MPHOSPH9: variants seen among roughly 807,000 people sequenced by gnomAD.
MPHOSPH9 encodes the protein M-phase phosphoprotein 9.
Under a neutral mutation model 145.5 loss-of-function variants are expected in MPHOSPH9, and 88 were observed. The observed-to-expected ratio is 0.60, with a 90% CI of 0.51 to 0.72. The LOEUF (loss-of-function observed/expected upper bound fraction) is 0.72. Ranked by LOEUF, MPHOSPH9 falls within the 30% of genes least tolerant of loss-of-function variation. The pLI, the probability that MPHOSPH9 is intolerant of heterozygous loss-of-function variation, is 0.00. For synonymous variants in MPHOSPH9, 435 were observed against 486.2 expected (o/e 0.89, Z 1.39); for missense variants, 1,238 against 1,386.6 (o/e 0.89, Z 1.70).
chr12:123,198,038 C>T (rs1352052399), intron 12 of MPHOSPH9, among the ~76,000 whole-genome samples: 4 of 151,070 alleles, frequency 2.6e-5, no homozygotes, highest in Admixed American at 6.6e-5. Flanking sequence ...GAGCCAAGAC[C>T]GCGCCACTGC....
At chr12:123,189,675 C>T (rs1168354694) in intron 13 of MPHOSPH9, among the ~76,000 whole-genome samples, 5 of 152,140 alleles carry the variant, frequency 3.3e-5, no homozygotes, top group Non-Finnish European at 7.3e-5. Context: ...TGGCTCACCC[C>T]TGTAATCCCA....
chr12:123,235,892 C>T (rs376064543), upstream of MPHOSPH9, among the ~76,000 whole-genome samples: 1 of 151,648 alleles, frequency 6.6e-6, no homozygotes, highest in Non-Finnish European at 1.5e-5. Flanking sequence ...GGTGAAACCC[C>T]ATCTGGGCTA....
In MPHOSPH9 at chr12:123,179,341, AGGCAGGCGG is replaced by A. The variant is rs575628443; in HGVS notation, c.2354+576_2354+584del. Among the ~76,000 whole-genome samples, 17 of 152,326 alleles carry A rather than the reference AGGCAGGCGG, an allele frequency of 1.1e-4. No homozygotes were observed. In the South Asian group the frequency reaches 2.7e-3, roughly 24 times the overall value. On this transcript the variant is annotated intron_variant, in intron 15 of 23. Coordinates refer to ENST00000606320, the MANE Select transcript of MPHOSPH9 (RefSeq NM_022782.4). ...TGAATCCCAGCACCTTGGCAAGCCG[AGGCAGGCGG>A]ATCACTTGAGGTCAGGAGTTCAAGA...
intron 13 of MPHOSPH9, among the ~76,000 whole-genome samples, chr12:123,191,201 A>G (rs558281492): frequency 6.6e-6 from 1 of 152,212 alleles, no homozygotes; most frequent in East Asian, 1.9e-4. Flanking sequence ...CATGCCTGAA[A>G]TCCCAGCTAC....
chr12:123,192,862 G>A (rs910265572), intron 13 of MPHOSPH9, among the ~76,000 whole-genome samples: 11 of 151,378 alleles, frequency 7.3e-5, no homozygotes, highest in African/African-American at 2.2e-4. Flanking sequence ...GGCGGATCAA[G>A]AGGTCAAGAA....
chr12:123,155,965 C>G lies in MPHOSPH9; in HGVS notation c.*842G>C, dbSNP rs2043851496. 6.6e-6 allele frequency: 1 copy of G among 152,244 alleles called. No individual in the cohort carries two copies. Among genetic ancestry groups the G allele is most frequent in the South Asian group, 2.1e-4 (1 of 4,836 alleles). The allele number at this position is 152,244 out of a possible 1,614,324, so 9.4% of individuals were successfully genotyped here. On this transcript the variant is annotated 3_prime_UTR_variant, in exon 24 of 24. Coordinates refer to ENST00000606320, the MANE Select transcript of MPHOSPH9 (RefSeq NM_022782.4). The stretch of plus-strand genomic sequence containing the variant: ...ATATCCAGATGACAACTATGACGGA[C>G]AGCTGAAGCCATGCACACTAAGAAA...
rs180733586 is a variant in MPHOSPH9 at position 123,162,865 on chromosome 12, T to C, written c.3029+149A>G. The C allele has an allele frequency of 4.2e-6, 3 of 708,000 alleles. No individual in the cohort carries two copies. The East Asian group carries it at 9.8e-5, about 23-fold the overall frequency. The allele number at this position is 708,000 out of a possible 1,614,324, so 43.9% of individuals were successfully genotyped here. On this transcript the variant is annotated intron_variant, in intron 20 of 23. Coordinates refer to ENST00000606320, the MANE Select transcript of MPHOSPH9 (RefSeq NM_022782.4). Reference sequence around the variant, plus strand: ...GTTCATTGTACTGCAGTACTTTAGTTGTAGTATGACATTCACTTATGATTT... The same window carrying C: ...GTTCATTGTACTGCAGTACTTTAGTCGTAGTATGACATTCACTTATGATTT...
chr12:123,166,760 C>T lies in MPHOSPH9; in HGVS notation c.2486G>A (p.Arg829Gln), dbSNP rs114386666. Reference protein sequence around the residue: ...NTLATSDVSRRKWLIPGAEYS... With the variant: ...NTLATSDVSRQKWLIPGAEYS... ...CTCTGCACCTGGAATCAGCCATTTC[C>T]GCCTGCTGACGTCTGAAGTTGCTAG... is the stretch of plus-strand genomic sequence containing the variant. The change falls in exon 17 of 24, where the codon CGG (arginine) becomes CAG (glutamine). Residue 829 changes from arginine to glutamine, a missense_variant. Physicochemically the swap from Arg to Gln is conservative, Grantham distance 43. Around this residue, in one of 3 missense-constraint regions of MPHOSPH9, gnomAD observed 393 missense variants for 462.5 expected, o/e 0.85. Coordinates refer to ENST00000606320, the MANE Select transcript of MPHOSPH9 (RefSeq NM_022782.4). 114 of 1,613,772 alleles carry T rather than the reference C, an allele frequency of 7.1e-5. No homozygotes were observed. The African/African-American group carries it at 1.2e-3, about 17-fold the overall frequency.
At chr12:123,217,838 G>A (rs965317709) in intron 6 of MPHOSPH9, among the ~76,000 whole-genome samples, 14 of 152,024 alleles carry the variant, frequency 9.2e-5, no homozygotes, top group African/African-American at 3.1e-4. Context: ...GAGGTCAGGA[G>A]TTCGAGAGCA....
intron 14 of MPHOSPH9, 94 bp downstream of exon 14, chr12:123,181,069 G>A: frequency 1.7e-6 from 2 of 1,146,868 alleles, no homozygotes; most frequent in Non-Finnish European, 2.6e-6. Flanking sequence ...GGTTCAGGAA[G>A]GGGTGCAAGG....
At chr12:123,222,324 CAAA>C (rs57019975) in intron 4 of MPHOSPH9, among the ~76,000 whole-genome samples, 16 of 126,100 alleles carry the variant, frequency 1.3e-4, no homozygotes, top group Non-Finnish European at 1.4e-4. Context: ...GACCTTGTCT[CAAA>C]AAAAAAAAAA....
At position 123,181,350 on chromosome 12, in the gene MPHOSPH9, A is replaced by G. The variant is rs1006814519; in HGVS notation, c.2242-140T>C. The G allele has an allele frequency of 6.2e-6, 4 of 643,956 alleles. No homozygotes were observed. The East Asian group carries it at 1.1e-4, about 17-fold the overall frequency. 39.9% of individuals were successfully genotyped at this position (643,956 alleles called of 1,614,324 possible). On this transcript the variant is annotated intron_variant, in intron 13 of 23. Coordinates refer to ENST00000606320, the MANE Select transcript of MPHOSPH9 (RefSeq NM_022782.4). The stretch of plus-strand genomic sequence containing the variant: ...GAGAAAGGTCAATAGAGAACTGGTG[A>G]TTCAATGTAAAGGGAATGGGACAAT...
chr12:123,233,489 T>A (rs1228062046), upstream of MPHOSPH9: 2 of 152,260 alleles, frequency 1.3e-5, no homozygotes, highest in African/African-American at 2.4e-5. Flanking sequence ...GTGATTTGGA[T>A]ATCCCTAGAA....
chr12:123,194,129 C>T (rs577875271), intron 13 of MPHOSPH9, among the ~76,000 whole-genome samples: 16 of 152,092 alleles, frequency 1.1e-4, no homozygotes, highest in South Asian at 2.1e-4. Context: ...ATTAGCCGGG[C>T]GCAGTGGTGG....
chr12:123,175,991 C>G (rs968834095), intron 16 of MPHOSPH9, among the ~76,000 whole-genome samples: 1 of 152,082 alleles, frequency 6.6e-6, no homozygotes, highest in African/African-American at 2.4e-5. Flanking sequence ...CCTTGGCTTT[C>G]CAAAATTCTG....
intron 13 of MPHOSPH9, among the ~76,000 whole-genome samples, chr12:123,191,880 ATCT>A (rs773326259): frequency 4.6e-5 from 7 of 152,182 alleles, no homozygotes; most frequent in Non-Finnish European, 8.8e-5. Flanking sequence ...GAATCCATCA[ATCT>A]TCTTTACTGA....
At chr12:123,205,768 T>A (rs1326521005) in intron 8 of MPHOSPH9, among the ~76,000 whole-genome samples, 2 of 152,192 alleles carry the variant, frequency 1.3e-5, no homozygotes, top group African/African-American at 2.4e-5. Flanking sequence ...GTTCTTGTCA[T>A]GTTAACATCT....
In MPHOSPH9 at chr12:123,221,711, T is replaced by C. The variant is rs748948542; in HGVS notation, c.533A>G (p.Gln178Arg). 5.0e-6 allele frequency: 8 copies of C among 1,614,142 alleles called. No individual in the cohort carries two copies. In the South Asian group the frequency reaches 5.5e-5, roughly 11 times the overall value. ...HYPESTEPEI[Q>R]QEMSTSQPDC... ...TGGTTGTGACGTGGACATTTCTTGCTGTATTTCAGGTTCTGTGGATTCAGG... is the reference window on the plus strand; with the variant it reads ...TGGTTGTGACGTGGACATTTCTTGCCGTATTTCAGGTTCTGTGGATTCAGG... The change falls in exon 5 of 24, where the codon CAG becomes CGG. Residue 178 changes from glutamine to arginine, a missense_variant. Gln to Arg is a conservative substitution (Grantham distance 43). This residue lies in a region of MPHOSPH9 where 837 missense variants were observed against 897.5 expected (regional missense o/e 0.93). Coordinates refer to ENST00000606320, the MANE Select transcript of MPHOSPH9 (RefSeq NM_022782.4).
chr12:123,171,279 C>A (rs973856352), intron 16 of MPHOSPH9, among the ~76,000 whole-genome samples: 5 of 150,588 alleles, frequency 3.3e-5, no homozygotes, highest in Admixed American at 2.7e-4. Flanking sequence ...CAAGGTAAAA[C>A]CCCGTCTCTA....
Sources: allele counts gnomAD v4.1 joint callset (sites outside exome capture counted in the v4.1 genomes callset), GRCh38; gene constraint gnomAD v4.1.1; regional missense constraint gnomAD v4.1.1; transcripts MANE v1.5; gene names NCBI Gene and HGNC (gene_info 2026-07-23, HGNC 2026-07-21).